PHTF1: variants seen among roughly 807,000 people sequenced by gnomAD.
PHTF1 encodes putative homeodomain transcription factor 1.
A neutral mutation model predicts 102.4 loss-of-function variants in PHTF1; 88 were observed. That is an observed-to-expected ratio of 0.86 (90% CI 0.72 to 1.03). The LOEUF (loss-of-function observed/expected upper bound fraction) is 1.03. Ranked by LOEUF, PHTF1 falls within the 50% of genes least tolerant of loss-of-function variation. The probability of loss-of-function intolerance (pLI) is 0.00; values close to 1 mark genes in which losing one functional copy is unlikely to be tolerated. For synonymous variants in PHTF1, 289 were observed against 305.2 expected (o/e 0.95, Z 0.55); for missense variants, 814 against 909.5 (o/e 0.89, Z 1.35).
In PHTF1 at chr1:113,726,455, T is replaced by A. The variant is rs143415786; in HGVS notation, c.451A>T (p.Thr151Ser). ...TTTCCATTGTTTCCTGATGGTCTTGTTATCTGAGTAGACACAATTTGACAG... is the reference window on the plus strand; with the variant it reads ...TTTCCATTGTTTCCTGATGGTCTTGATATCTGAGTAGACACAATTTGACAG... ...VHCQIVSTQI[T>S]RPSGNNGNRR... The change falls in exon 6 of 19, where the codon ACA (threonine) becomes TCA (serine). Residue 151 changes from threonine (T) to serine (S), a missense_variant. Physicochemically the swap from Thr to Ser is moderately conservative, Grantham distance 58. Coordinates refer to ENST00000369604, the MANE Select transcript of PHTF1 (RefSeq NM_001323043.2). 2 of 1,610,842 alleles carry A rather than the reference T, an allele frequency of 1.2e-6. No individual in the cohort carries two copies. Among genetic ancestry groups the A allele is most frequent in the Non-Finnish European group, 1.7e-6 (2 of 1,178,700 alleles).
At chr1:113,742,453 C>T (rs945886678) in intron 3 of PHTF1, among the ~76,000 whole-genome samples, 5 of 151,974 alleles carry the variant, frequency 3.3e-5, no homozygotes, top group East Asian at 3.9e-4. Context: ...GTGAAACCCC[C>T]GTCTCTACTA....
rs1557957252 is a variant in PHTF1, at chr1:113,738,760, G to A, written c.142C>T (p.Pro48Ser). 1 of 1,603,164 alleles carries A rather than the reference G, an allele frequency of 6.2e-7. No individual in the cohort carries two copies. The highest frequency in any genetic ancestry group is 8.5e-7 in the Non-Finnish European group (1 of 1,174,416). ...ATTAAGTCAACGTCAATCAAGTCTGGCTTTATGTGGCCCATCTTTTTCGGT... is the reference window on the plus strand; with the variant it reads ...ATTAAGTCAACGTCAATCAAGTCTGACTTTATGTGGCCCATCTTTTTCGGT... The part of the protein sequence containing the change: ...NKPKKMGHIK[P>S]DLIDVDLIRG... The change falls in exon 4 of 19, where the codon CCA becomes TCA. Residue 48 changes from proline (P) to serine (S), a missense_variant. Physicochemically the swap from Pro to Ser is moderately conservative, Grantham distance 74 (BLOSUM62 -1). Coordinates refer to ENST00000369604, the MANE Select transcript of PHTF1 (RefSeq NM_001323043.2).
chr1:113,752,792 T>A (rs1000632435), intron 3 of PHTF1, among the ~76,000 whole-genome samples: 2 of 152,210 alleles, frequency 1.3e-5, no homozygotes, highest in African/African-American at 4.8e-5. Context: ...TTTCATCTCT[T>A]TTCCTTTGCT....
At chr1:113,751,508 G>T (rs1002116451) in intron 3 of PHTF1, among the ~76,000 whole-genome samples, 2 of 152,110 alleles carry the variant, frequency 1.3e-5, no homozygotes, top group African/African-American at 4.8e-5. Context: ...CATTTTTTAT[G>T]TTCATCCATG....
At chr1:113,711,439 AT>A (rs1651077319) in intron 10 of PHTF1, among the ~76,000 whole-genome samples, 1 of 152,192 alleles carries the variant, frequency 6.6e-6, no homozygotes, top group African/African-American at 2.4e-5. Context: ...CATCAATCCA[AT>A]TTATGATGTT....
intron 10 of PHTF1, among the ~76,000 whole-genome samples, chr1:113,710,932 C>T (rs1209472333): frequency 2.0e-5 from 3 of 151,692 alleles, no homozygotes; most frequent in Non-Finnish European, 4.4e-5. Flanking sequence ...AGGCATGAGC[C>T]ACCATGTCCA....
At position 113,726,859 on chromosome 1, in the gene PHTF1, T is replaced by C. The variant is rs74794793; in HGVS notation, c.332-285A>G. Among the ~76,000 whole-genome samples the C allele has an allele frequency of 2.7e-3, 404 of 152,284 alleles. 1 individual carries two copies. Among genetic ancestry groups the C allele is most frequent in the African/African-American group, 9.1e-3 (377 of 41,562 alleles). On this transcript the variant is annotated intron_variant, in intron 5 of 18. Transcript: ENST00000369604. ...ACCACAAAAACAACTAGATGCTGTA[T>C]ATAAAACACATTTTGAAGTGCTGTG... is the stretch of plus-strand genomic sequence containing the variant.
At chr1:113,718,724 T>C (rs1437714965) in intron 7 of PHTF1, among the ~76,000 whole-genome samples, 1 of 152,228 alleles carries the variant, frequency 6.6e-6, no homozygotes, top group Non-Finnish European at 1.5e-5. Flanking sequence ...GCCTGAGCTG[T>C]ACATTGGCCC....
Position 113,697,394 on chromosome 1 carries a change from T to C in PHTF1, c.*311A>G. ...TAGTTGCCCAAAAGACTATGTCCAG[T>C]AAACATAACTGTCACAGTACTGAAG... On this transcript the variant is annotated 3_prime_UTR_variant, in exon 19 of 19. Coordinates refer to ENST00000369604, the MANE Select transcript of PHTF1 (RefSeq NM_001323043.2). 1 of 256,048 alleles carries C rather than the reference T, an allele frequency of 3.9e-6. No homozygotes were observed. The highest frequency in any genetic ancestry group is 8.1e-5 in the East Asian group (1 of 12,368). 15.9% of individuals were successfully genotyped at this position (256,048 alleles called of 1,614,324 possible).
rs1571281056 is a variant in PHTF1, at chr1:113,759,108, C to T, written c.-116G>A. 2.0e-6 allele frequency: 2 copies of T among 988,266 alleles called. No individual in the cohort carries two copies. The highest frequency in any genetic ancestry group is 1.2e-6 in the Non-Finnish European group (1 of 831,850). The allele number at this position is 988,266 out of a possible 1,614,324, so 61.2% of individuals were successfully genotyped here. ...CACCGTGAGGCCGGGGGCGAGGCGG[C>T]GGGCCAGGCAGGCCGCATCTTCCCC... is the stretch of plus-strand genomic sequence containing the variant. On this transcript the variant is annotated 5_prime_UTR_variant, in exon 1 of 19. Transcript: ENST00000369604.
intron 11 of PHTF1, among the ~76,000 whole-genome samples, chr1:113,707,952 C>G (rs1650466986): frequency 1.2e-5 from 1 of 85,070 alleles, no homozygotes; most frequent in Admixed American, 9.2e-5. Flanking sequence ...AACCTGTATG[C>G]ATAAGGGCCC....
At chr1:113,751,226 T>C (rs1658025911) in intron 3 of PHTF1, among the ~76,000 whole-genome samples, 1 of 152,252 alleles carries the variant, frequency 6.6e-6, no homozygotes, top group Admixed American at 6.5e-5. Context: ...TTAAAGTAGC[T>C]TTATTGAGGT....
chr1:113,705,110 T>A (rs1649926175), intron 13 of PHTF1, among the ~76,000 whole-genome samples: 1 of 152,244 alleles, frequency 6.6e-6, no homozygotes, highest in Non-Finnish European at 1.5e-5. Context: ...TTATACATGA[T>A]TCTGGCTTAT....
At chr1:113,709,821 TATG>T (rs1392470768) in intron 11 of PHTF1, among the ~76,000 whole-genome samples, 1 of 152,230 alleles carries the variant, frequency 6.6e-6, no homozygotes, top group East Asian at 1.9e-4. Context: ...TATCTGACTT[TATG>T]ATATTAATAT....
chr1:113,751,161 A>G (rs1278488544), intron 3 of PHTF1, among the ~76,000 whole-genome samples: 1 of 152,202 alleles, frequency 6.6e-6, no homozygotes, highest in African/African-American at 2.4e-5. Context: ...GTATACATTT[A>G]CATTTTTGGT....
chr1:113,722,031 A>T (rs1019861110), intron 7 of PHTF1, among the ~76,000 whole-genome samples: 1 of 152,156 alleles, frequency 6.6e-6, no homozygotes, highest in Non-Finnish European at 1.5e-5. Flanking sequence ...ACAGCAAACA[A>T]TCTAAAAAAG....
intron 3 of PHTF1, among the ~76,000 whole-genome samples, chr1:113,740,147 C>T (rs1029619412): frequency 1.3e-5 from 2 of 152,126 alleles, no homozygotes; most frequent in African/African-American, 2.4e-5. Context: ...TGAGGAACCA[C>T]GAGACTGTTT....
intron 7 of PHTF1, among the ~76,000 whole-genome samples, chr1:113,716,751 C>T (rs1199789349): frequency 2.0e-5 from 3 of 151,918 alleles, no homozygotes; most frequent in African/African-American, 7.3e-5. Context: ...AAAGACATCC[C>T]CAGAAAAAAA....
intron 15 of PHTF1, among the ~76,000 whole-genome samples, chr1:113,702,818 T>C (rs1309529034): frequency 3.3e-5 from 5 of 152,006 alleles, no homozygotes. Context: ...TAACATCAAA[T>C]CAATAAGAAA....
Sources: allele counts gnomAD v4.1 joint callset (sites outside exome capture counted in the v4.1 genomes callset), GRCh38; gene constraint gnomAD v4.1.1; transcripts MANE v1.5; gene names NCBI Gene and HGNC (gene_info 2026-07-23, HGNC 2026-07-21).